AGBL4: variants seen among roughly 807,000 people sequenced by gnomAD.
The protein encoded by AGBL4 is cytosolic carboxypeptidase 6.
In AGBL4, 58 loss-of-function variants were observed where a neutral mutation model predicts 66.4. The observed-to-expected ratio is 0.87, with a 90% CI of 0.71 to 1.09. The LOEUF (loss-of-function observed/expected upper bound fraction) is 1.09. Among genes scored for constraint, AGBL4 ranks in the 50% least tolerant of loss-of-function variants. AGBL4 has a pLI of 0.00. For missense variants in AGBL4, 579 were observed against 631.0 expected (o/e 0.92, Z 0.88); for synonymous variants, 234 against 222.9 (o/e 1.05, Z -0.44).
At chr1:49,939,957 C>T (rs1466898551) in intron 1 of AGBL4, among the ~76,000 whole-genome samples, 1 of 152,140 alleles carries the variant, frequency 6.6e-6, no homozygotes, top group Non-Finnish European at 1.5e-5. Context: ...ACTCATCTGA[C>T]AAAGGGCTAA....
At chr1:48,722,681 C>G (rs984829042) in intron 6 of AGBL4, among the ~76,000 whole-genome samples, 2 of 152,102 alleles carry the variant, frequency 1.3e-5, no homozygotes, top group Admixed American at 6.5e-5. Context: ...TTTCCCTCAC[C>G]ACATACTGTC....
chr1:48,721,460 A>G (rs1176989153), intron 6 of AGBL4, among the ~76,000 whole-genome samples: 1 of 152,162 alleles, frequency 6.6e-6, no homozygotes, highest in Non-Finnish European at 1.5e-5. Flanking sequence ...GGCTTCTCTG[A>G]TGGCTGCTGC....
intron 3 of AGBL4, among the ~76,000 whole-genome samples, chr1:49,446,204 T>C (rs901227377): frequency 2.0e-5 from 3 of 152,228 alleles, no homozygotes; most frequent in Admixed American, 1.3e-4. Context: ...AATTAAGATA[T>C]ATTGCTAGAG....
Position 49,284,419 on chromosome 1 carries a change from T to C in AGBL4, c.283-38555A>G, listed in dbSNP as rs534358764. Among the ~76,000 whole-genome samples the C allele has an allele frequency of 2.0e-5, 3 of 152,104 alleles. No individual in the cohort carries two copies. In the South Asian group the frequency reaches 6.2e-4, roughly 32 times the overall value. On this transcript the variant is annotated intron_variant, in intron 3 of 13. Transcript: ENST00000371839. ...ACCGGTACCAGCCACTGCAAAATCA[T>C]GCCAAAATGTAAAGACCATCGAGAC... is the stretch of plus-strand genomic sequence containing the variant.
intron 6 of AGBL4, among the ~76,000 whole-genome samples, chr1:48,672,834 G>T (rs369524806): frequency 1.3e-5 from 2 of 152,178 alleles, no homozygotes; most frequent in South Asian, 4.1e-4. Context: ...AAGAACAATT[G>T]TTATGAAATT....
chr1:49,404,561 T>C (rs934462076), intron 3 of AGBL4, among the ~76,000 whole-genome samples: 2 of 152,230 alleles, frequency 1.3e-5, no homozygotes, highest in Non-Finnish European at 2.9e-5. Context: ...TTTATTCCTA[T>C]GTAGGCACCA....
chr1:49,012,852 G>T (rs1311030035), intron 5 of AGBL4, among the ~76,000 whole-genome samples: 4 of 152,152 alleles, frequency 2.6e-5, no homozygotes, highest in Non-Finnish European at 4.4e-5. Flanking sequence ...TTAAGAGGTG[G>T]GACCTGTAAG....
intron 5 of AGBL4, among the ~76,000 whole-genome samples, chr1:49,002,430 T>A (rs1282918945): frequency 2.0e-5 from 3 of 152,218 alleles, no homozygotes; most frequent in African/African-American, 7.2e-5. Flanking sequence ...AACTAAGGGC[T>A]TATTTTCCAA....
At chr1:49,892,882 C>T (rs1270574462) in intron 1 of AGBL4, among the ~76,000 whole-genome samples, 1 of 152,136 alleles carries the variant, frequency 6.6e-6, no homozygotes, top group Admixed American at 6.5e-5. Context: ...CCCCATTATT[C>T]ATGGTAGTCT....
chr1:49,583,214 C>T (rs572841267), intron 3 of AGBL4, among the ~76,000 whole-genome samples: 1 of 152,122 alleles, frequency 6.6e-6, no homozygotes, highest in Non-Finnish European at 1.5e-5. Context: ...TGCTTACCAG[C>T]TTAACATATG....
At chr1:49,713,488 C>A (rs1005090474) in intron 2 of AGBL4, among the ~76,000 whole-genome samples, 2 of 151,752 alleles carry the variant, frequency 1.3e-5, no homozygotes, top group African/African-American at 4.8e-5. Flanking sequence ...AGTAATATAT[C>A]CACATTATTT....
At chr1:48,613,009 C>T (rs1288755380) in intron 9 of AGBL4, among the ~76,000 whole-genome samples, 1 of 152,080 alleles carries the variant, frequency 6.6e-6, no homozygotes, top group Non-Finnish European at 1.5e-5. Context: ...TGGTGGGCAC[C>T]TGTAGTCCCA....
chr1:49,584,630 T>C (rs1295207108), intron 3 of AGBL4, among the ~76,000 whole-genome samples: 1 of 152,180 alleles, frequency 6.6e-6, no homozygotes, highest in Non-Finnish European at 1.5e-5. Flanking sequence ...GTTTGTGGGC[T>C]CTGAAGCTTA....
At chr1:49,973,686 G>T in intron 1 of AGBL4, among the ~76,000 whole-genome samples, 1 of 147,362 alleles carries the variant, frequency 6.8e-6, no homozygotes, top group Admixed American at 6.8e-5. Context: ...ATATTATATA[G>T]AAATGATATT....
chr1:48,809,392 G>A (rs2148755084), intron 6 of AGBL4, among the ~76,000 whole-genome samples: 1 of 152,308 alleles, frequency 6.6e-6, no homozygotes, highest in East Asian at 1.9e-4. Flanking sequence ...CTAGATCAAG[G>A]GATTTCTCCT....
chr1:49,742,427 C>T (rs1165558050), intron 2 of AGBL4, among the ~76,000 whole-genome samples: 1 of 152,070 alleles, frequency 6.6e-6, no homozygotes, highest in African/African-American at 2.4e-5. Flanking sequence ...GAAGAACATT[C>T]CATGCTCATG....
intron 2 of AGBL4, among the ~76,000 whole-genome samples, chr1:49,816,979 A>G (rs1394129345): frequency 1.3e-5 from 2 of 152,136 alleles, no homozygotes; most frequent in African/African-American, 4.8e-5. Flanking sequence ...CTGAAACCCA[A>G]CTATATTAGA....
At chr1:49,582,746 G>A (rs973246693) in intron 3 of AGBL4, among the ~76,000 whole-genome samples, 4 of 152,106 alleles carry the variant, frequency 2.6e-5, no homozygotes, top group East Asian at 1.9e-4. Context: ...GGGACTCAGG[G>A]TATGTTATCT....
At chr1:49,017,058 G>A (rs1005860772) in intron 5 of AGBL4, among the ~76,000 whole-genome samples, 1 of 152,172 alleles carries the variant, frequency 6.6e-6, no homozygotes. Context: ...TGTAGACATA[G>A]AAGGACAGGA....
Sources: gnomAD v4.1 joint callset for allele counts (sites outside exome capture counted in the v4.1 genomes callset) on GRCh38, gnomAD v4.1.1 for gene constraint, MANE v1.5 for transcripts, NCBI Gene and HGNC (gene_info 2026-07-23, HGNC 2026-07-21) for gene names.